Variants in ELF4 observed in about 807,000 individuals in gnomAD.
ELF4 encodes ETS-related transcription factor Elf-4.
In ELF4, 10 loss-of-function variants were observed where a neutral mutation model predicts 31.7. The observed-to-expected ratio is 0.32, with a 90% CI of 0.19 to 0.54. The LOEUF (loss-of-function observed/expected upper bound fraction) is 0.54, where lower values mean the gene tolerates loss of function less well. Ranked by LOEUF, ELF4 falls within the 20% of genes least tolerant of loss-of-function variation. The pLI is 0.95. For missense variants in ELF4, 418 were observed against 522.0 expected, an observed-to-expected ratio of 0.80 and a Z score of 1.94; for synonymous variants, 208 against 226.7, an observed-to-expected ratio of 0.92 and a Z score of 0.74.
chrX:130,081,890 GCT>G (rs1162407978), intron 1 of ELF4, among the ~76,000 whole-genome samples: 3 of 111,663 alleles, frequency 2.7e-5, no homozygotes, highest in African/African-American at 9.8e-5. Flanking sequence ...GGAACTTTGC[GCT>G]CTCTCCACCC....
At chrX:130,106,695 A>G (rs1859615327) in intron 1 of ELF4, among the ~76,000 whole-genome samples, 2 of 112,114 alleles carry the variant, frequency 1.8e-5, no homozygotes, top group African/African-American at 6.5e-5. Flanking sequence ...TGAGAACCAC[A>G]AAAAGAATAA....
At chrX:130,072,673 G>C (rs1360451574) in intron 4 of ELF4, among the ~76,000 whole-genome samples, 1 of 112,390 alleles carries the variant, frequency 8.9e-6, no homozygotes, top group African/African-American at 3.2e-5. Flanking sequence ...GGAAGTTCTA[G>C]GCGGCACCCC....
intron 1 of ELF4, among the ~76,000 whole-genome samples, chrX:130,106,353 CCTT>C (rs1263275484): frequency 2.7e-5 from 3 of 111,312 alleles, no homozygotes; most frequent in African/African-American, 9.8e-5. Flanking sequence ...CCCAGCGCCT[CCTT>C]CTCTCATCTC....
chrX:130,097,235 C>T (rs1396755772), intron 1 of ELF4, among the ~76,000 whole-genome samples: 1 of 107,982 alleles, frequency 9.3e-6, no homozygotes, highest in Non-Finnish European at 1.9e-5. Flanking sequence ...GTCAGGAGTT[C>T]AAGACCAGCC....
intron 1 of ELF4, among the ~76,000 whole-genome samples, chrX:130,099,041 C>A: frequency 8.9e-6 from 1 of 112,635 alleles, no homozygotes; most frequent in Non-Finnish European, 1.9e-5. Flanking sequence ...TTTTAACTGT[C>A]CTTCTAGGTC....
chrX:130,065,765 C>A lies in ELF4; in HGVS notation c.*956G>T, dbSNP rs1402071762. The stretch of plus-strand genomic sequence containing the variant: ...CCGGTATCACACAAACAGCCCAAGC[C>A]CTAGGCACAAATACTCAATGAATTC... On this transcript the variant is annotated 3_prime_UTR_variant, in exon 9 of 9. Coordinates refer to ENST00000308167, the MANE Select transcript of ELF4 (RefSeq NM_001421.4). 5.7e-6 allele frequency: 1 copy of A among 174,456 alleles called. No homozygotes were observed. The highest frequency in any genetic ancestry group is 2.9e-5 in the African/African-American group (1 of 34,071). 14.4% of individuals were successfully genotyped at this position (174,456 alleles called of 1,213,427 possible). A position where few individuals can be genotyped will look rare whatever the true frequency, so the allele number is the denominator to read the frequency against.
intron 1 of ELF4, among the ~76,000 whole-genome samples, chrX:130,083,827 G>C (rs367782815): frequency 1.8e-4 from 18 of 98,812 alleles, no homozygotes; most frequent in African/African-American, 6.5e-4. Context: ...TGGCTGGATG[G>C]ATGGCTGGAT....
chrX:130,066,916 CAA>C lies in ELF4; in HGVS notation c.1795_1796del (p.Leu599ValfsTer15). On this transcript the variant is annotated frameshift_variant, in exon 9 of 9. Coordinates refer to ENST00000308167, the MANE Select transcript of ELF4 (RefSeq NM_001421.4). LOFTEE classifies it high-confidence loss of function. ...HNPSLLGNQT[L>X]SPPSRPTVGL... ...CAACAGTGGGGCGGCTGGGAGGAGACAAAGTCTGGTTGCCCAGAAGGCTCGGA... is the reference window on the plus strand; with the variant it reads ...CAACAGTGGGGCGGCTGGGAGGAGACAGTCTGGTTGCCCAGAAGGCTCGGA... The C allele has an allele frequency of 8.3e-7, 1 of 1,212,037 alleles. No individual in the cohort carries two copies. Among genetic ancestry groups the C allele is most frequent in the Non-Finnish European group, 1.1e-6 (1 of 895,564 alleles).
chrX:130,109,462 G>A (rs1933434420), intron 1 of ELF4, among the ~76,000 whole-genome samples: 1 of 112,926 alleles, frequency 8.9e-6, no homozygotes, highest in Admixed American at 9.3e-5. Context: ...GAGGGATGAG[G>A]GGCAGGAATC....
chrX:130,101,590 C>G (rs1202395402), intron 1 of ELF4, among the ~76,000 whole-genome samples: 1 of 108,810 alleles, frequency 9.2e-6, no homozygotes, highest in South Asian at 3.9e-4. Context: ...GTCGGAGTTC[C>G]AGACCAGCCT....
chrX:130,101,211 G>C (rs1034686987), intron 1 of ELF4, among the ~76,000 whole-genome samples: 1 of 112,199 alleles, frequency 8.9e-6, no homozygotes, highest in Non-Finnish European at 1.9e-5. Context: ...AGGGGTATGA[G>C]GATAACTATA....
At position 130,065,733 on chromosome X, in the gene ELF4, C is replaced by T. The variant is rs924626825; in HGVS notation, c.*988G>A. 6.9e-5 allele frequency: 12 copies of T among 174,291 alleles called. No homozygotes were observed. In the Admixed American group the frequency reaches 7.9e-4, roughly 11 times the overall value. The allele number at this position is 174,291 out of a possible 1,213,427, so 14.4% of individuals were successfully genotyped here. A position where few individuals can be genotyped will look rare whatever the true frequency, so the allele number is the denominator to read the frequency against. ...GGTGTCAGCAAAGGCTATTGTCTGG[C>T]GGGGGGCCGGTATCACACAAACAGC... is the stretch of plus-strand genomic sequence containing the variant. On this transcript the variant is annotated 3_prime_UTR_variant, in exon 9 of 9. Coordinates refer to ENST00000308167, the MANE Select transcript of ELF4 (RefSeq NM_001421.4).
chrX:130,092,666 C>T (rs1933080251), intron 1 of ELF4, among the ~76,000 whole-genome samples: 1 of 112,018 alleles, frequency 8.9e-6, no homozygotes, highest in Admixed American at 9.5e-5. Context: ...AATATAAATG[C>T]TGAGGTCAAT....
rs1232441339 is a variant in ELF4 at position 130,074,760 on chromosome X, G to A, written c.76-8C>T. On this transcript the variant is annotated splice_polypyrimidine_tract_variant and splice_region_variant and intron_variant, in intron 2 of 8. Transcript: ENST00000308167. ...CACAGAGGGGTCTTCCAGCTATGGA[G>A]AAGACAGGGATGTGATTCAAGACCC... 8.3e-7 allele frequency: 1 copy of A among 1,208,823 alleles called. No homozygotes were observed. The highest frequency in any genetic ancestry group is 1.1e-6 in the Non-Finnish European group (1 of 894,886).
chrX:130,111,654 G>T (rs1435403391), upstream of ELF4, among the ~76,000 whole-genome samples: 1 of 111,916 alleles, frequency 8.9e-6, no homozygotes, highest in Non-Finnish European at 1.9e-5. Context: ...AGGGCTAGGG[G>T]GAGAGGGGCT....
In ELF4 at chrX:130,065,266, C is replaced by T; in HGVS notation, c.*1455G>A. On this transcript the variant is annotated 3_prime_UTR_variant, in exon 9 of 9. Transcript: ENST00000308167. ...AAACTTGGCAGGAGGGAGGCAAGCT[C>T]GTTTAAAGAAGGGAGAGGGGAGGAG... 5.7e-6 allele frequency: 1 copy of T among 175,305 alleles called. No individual in the cohort carries two copies. The highest frequency in any genetic ancestry group is 1.8e-3 in the Middle Eastern group (1 of 552). 14.4% of individuals were successfully genotyped at this position (175,305 alleles called of 1,213,427 possible).
At chrX:130,108,080 T>A (rs1448119338) in intron 1 of ELF4, among the ~76,000 whole-genome samples, 1 of 111,730 alleles carries the variant, frequency 9.0e-6, no homozygotes, top group African/African-American at 3.3e-5. Flanking sequence ...TGGTGGTACA[T>A]GCCTGTAATC....
In ELF4 at chrX:130,074,041, A is replaced by T; in HGVS notation, c.340+8T>A. ...GCCTTGAGTTCAGGCACTGGGGTTCAAACTTACAGATCTGCTTCTCATCCA... is the reference window on the plus strand; with the variant it reads ...GCCTTGAGTTCAGGCACTGGGGTTCTAACTTACAGATCTGCTTCTCATCCA... On this transcript the variant is annotated splice_region_variant and intron_variant, in intron 4 of 8. Coordinates refer to ENST00000308167, the MANE Select transcript of ELF4 (RefSeq NM_001421.4). 2 of 1,210,961 alleles carry T rather than the reference A, an allele frequency of 1.7e-6. No individual in the cohort carries two copies. The highest frequency in any genetic ancestry group is 3.5e-5 in the South Asian group (2 of 56,978).
intron 1 of ELF4, among the ~76,000 whole-genome samples, chrX:130,107,162 A>T (rs1933393198): frequency 9.0e-6 from 1 of 111,673 alleles, no homozygotes; most frequent in Non-Finnish European, 1.9e-5. Context: ...CTGTAATCCT[A>T]GCTATTCAGA....
Sources: allele counts gnomAD v4.1 joint callset (sites outside exome capture counted in the v4.1 genomes callset), GRCh38; gene constraint gnomAD v4.1.1; transcripts MANE v1.5; gene names NCBI Gene and HGNC (gene_info 2026-07-23, HGNC 2026-07-21).